Variants in RPS6KB1 observed in about 807,000 individuals in gnomAD.
RPS6KB1 encodes the protein ribosomal protein S6 kinase B1.
Under a neutral mutation model 70.2 loss-of-function variants are expected in RPS6KB1, and 12 were observed. The observed-to-expected ratio is 0.17, with a 90% CI of 0.11 to 0.28. RPS6KB1 has a LOEUF of 0.28. Among genes scored for constraint, RPS6KB1 ranks in the 10% least tolerant of loss-of-function variants. The pLI is 1.00. For synonymous variants in RPS6KB1, 175 were observed against 211.2 expected, an observed-to-expected ratio of 0.83 and a Z score of 1.49; for missense variants, 270 against 646.6, an observed-to-expected ratio of 0.42 and a Z score of 6.32.
chr17:59,908,820 G>A (rs1412357570), intron 1 of RPS6KB1, among the ~76,000 whole-genome samples: 6 of 139,538 alleles, frequency 4.3e-5, no homozygotes, highest in African/African-American at 8.4e-5. Flanking sequence ...GGGTTTCACC[G>A]TGTTAGCCAG....
chr17:59,910,023 A>G (rs2042538862), intron 1 of RPS6KB1, among the ~76,000 whole-genome samples: 1 of 150,880 alleles, frequency 6.6e-6, no homozygotes, highest in Non-Finnish European at 1.5e-5. Context: ...AAAAATATAT[A>G]TATATACACA....
intron 2 of RPS6KB1, among the ~76,000 whole-genome samples, 188 bp downstream of exon 2, chr17:59,910,799 G>A (rs2042587351): frequency 1.3e-5 from 2 of 152,268 alleles, no homozygotes; most frequent in South Asian, 2.1e-4. Flanking sequence ...TTGAGATTAT[G>A]TATGGATTTT....
intron 1 of RPS6KB1, among the ~76,000 whole-genome samples, chr17:59,902,560 A>C (rs1231333092): frequency 6.6e-6 from 1 of 150,824 alleles, no homozygotes; most frequent in Non-Finnish European, 1.5e-5. Flanking sequence ...TGAATTGTGA[A>C]TAAAGCATTT....
At chr17:59,904,328 C>G (rs1204316144) in intron 1 of RPS6KB1, among the ~76,000 whole-genome samples, 1 of 151,956 alleles carries the variant, frequency 6.6e-6, no homozygotes, top group Non-Finnish European at 1.5e-5. Context: ...ATCCGCCCTC[C>G]TTGGCCTCCC....
chr17:59,910,117 G>A (rs1025889695), intron 1 of RPS6KB1, among the ~76,000 whole-genome samples: 1 of 151,804 alleles, frequency 6.6e-6, no homozygotes, highest in African/African-American at 2.4e-5. Flanking sequence ...AACCTGGGAG[G>A]CGGAGGTTGC....
chr17:59,919,283 C>T (rs921704892), intron 4 of RPS6KB1, among the ~76,000 whole-genome samples: 7 of 151,978 alleles, frequency 4.6e-5, no homozygotes, highest in South Asian at 2.1e-4. Context: ...CCAGCACTTT[C>T]GGAGGCTGAG....
chr17:59,917,162 A>G (rs1039916312), intron 4 of RPS6KB1, among the ~76,000 whole-genome samples: 1 of 152,160 alleles, frequency 6.6e-6, no homozygotes, highest in African/African-American at 2.4e-5. Context: ...CCTGTCACCT[A>G]GACAGGAGTG....
At chr17:59,923,807 C>G (rs1051164888) in intron 4 of RPS6KB1, among the ~76,000 whole-genome samples, 67 of 152,052 alleles carry the variant, frequency 4.4e-4, no homozygotes, top group Admixed American at 1.6e-3. Flanking sequence ...CGTGCCCGAC[C>G]ACATTCTTCT....
intron 1 of RPS6KB1, 63 bp from the exon 2 acceptor site, chr17:59,910,499 G>T: frequency 2.9e-6 from 3 of 1,040,978 alleles, no homozygotes; most frequent in South Asian, 1.5e-5. Context: ...ATGAGACAAA[G>T]AATTAAACCT....
chr17:59,932,041 T>C (rs2043950771), intron 7 of RPS6KB1, among the ~76,000 whole-genome samples: 1 of 152,194 alleles, frequency 6.6e-6, no homozygotes, highest in African/African-American at 2.4e-5. Context: ...AGTCTAAACA[T>C]TAATTTTGGC....
At chr17:59,913,020 AG>A (rs1374322843) in intron 3 of RPS6KB1, among the ~76,000 whole-genome samples, 1 of 152,214 alleles carries the variant, frequency 6.6e-6, no homozygotes, top group African/African-American at 2.4e-5. Context: ...ATAGGTACTC[AG>A]TCAAGGTTCA....
In RPS6KB1 at chr17:59,949,495, A is replaced by G. The variant is rs1454875698; in HGVS notation, c.*2707A>G. ...TACAGGATATTTTTTTATTTTATAC[A>G]TGCTGTTTTTTAATTAAAATATAAT... On this transcript the variant is annotated 3_prime_UTR_variant, in exon 15 of 15. Coordinates refer to ENST00000225577, the MANE Select transcript of RPS6KB1 (RefSeq NM_003161.4). The G allele has an allele frequency of 2.0e-5, 3 of 152,098 alleles. No individual in the cohort carries two copies. Among genetic ancestry groups the G allele is most frequent in the Admixed American group, 6.6e-5 (1 of 15,246 alleles). The allele number at this position is 152,098 out of a possible 1,614,324, so 9.4% of individuals were successfully genotyped here.
intron 1 of RPS6KB1, among the ~76,000 whole-genome samples, chr17:59,896,595 G>C (rs990535155): frequency 1.3e-5 from 2 of 152,062 alleles, no homozygotes; most frequent in African/African-American, 4.8e-5. Flanking sequence ...CAGGGCTTTT[G>C]TCCTGCTGGG....
intron 13 of RPS6KB1, chr17:59,945,070 G>A (rs1434319860): frequency 5.8e-6 from 1 of 173,690 alleles, no homozygotes; most frequent in African/African-American, 2.4e-5. Context: ...CCAAAGTGCT[G>A]GGATGACAGG....
At chr17:59,912,490 G>A (rs2042706694) in intron 2 of RPS6KB1, 194 bp from the exon 3 acceptor site, 4 of 495,560 alleles carry the variant, frequency 8.1e-6, no homozygotes, top group East Asian at 3.3e-5. Context: ...TATGAACAAG[G>A]AGGCAAACGA....
At position 59,949,846 on chromosome 17, in the gene RPS6KB1, A is replaced by G. The variant is rs1233068576; in HGVS notation, c.*3058A>G. ...ACAAGATGCATCTTAGATAGTATTA[A>G]TATACTGAGCCTTGGATTATATATT... On this transcript the variant is annotated 3_prime_UTR_variant, in exon 15 of 15. Coordinates refer to ENST00000225577, the MANE Select transcript of RPS6KB1 (RefSeq NM_003161.4). 1 of 115,672 alleles carries G rather than the reference A, an allele frequency of 8.6e-6. No individual in the cohort carries two copies. Among genetic ancestry groups the G allele is most frequent in the South Asian group, 2.3e-4 (1 of 4,312 alleles). The allele number at this position is 115,672 out of a possible 1,614,324, so 7.2% of individuals were successfully genotyped here.
intron 5 of RPS6KB1, among the ~76,000 whole-genome samples, chr17:59,928,157 CA>C (rs1416577016): frequency 2.7e-5 from 1 of 36,842 alleles, no homozygotes; most frequent in African/African-American, 2.1e-4. Flanking sequence ...GACTCAGTCT[CA>C]CACACACACA....
chr17:59,912,384 G>T, intron 2 of RPS6KB1: 1 of 263,896 alleles, frequency 3.8e-6, no homozygotes, highest in South Asian at 4.6e-5. Flanking sequence ...TACTTGAATG[G>T]ATTATCCAAG....
chr17:59,926,591 A>C lies in RPS6KB1; in HGVS notation c.529+9A>C. On this transcript the variant is annotated intron_variant, in intron 5 of 14. Transcript: ENST00000225577. ...CCTTGAGTATCTCAGTGGTCAGTACACAGAGTTTGGTGTAATTATTTGCAT... is the reference window on the plus strand; with the variant it reads ...CCTTGAGTATCTCAGTGGTCAGTACCCAGAGTTTGGTGTAATTATTTGCAT... 6.3e-7 allele frequency: 1 copy of C among 1,592,216 alleles called. No individual in the cohort carries two copies. The highest frequency in any genetic ancestry group is 8.6e-7 in the Non-Finnish European group (1 of 1,168,526).
Sources: gnomAD v4.1 joint callset for allele counts (sites outside exome capture counted in the v4.1 genomes callset) on GRCh38, gnomAD v4.1.1 for gene constraint, MANE v1.5 for transcripts, NCBI Gene and HGNC (gene_info 2026-07-23, HGNC 2026-07-21) for gene names.